The following CACNA1E variants were observed in gnomAD, a reference collection of about 807,000 sequenced individuals.
CACNA1E encodes calcium voltage-gated channel subunit alpha1 E, also known as voltage-dependent R-type calcium channel subunit alpha-1E.
Under a neutral mutation model 259.2 loss-of-function variants are expected in CACNA1E, and 40 were observed. The observed-to-expected ratio is 0.15, with a 90% CI of 0.12 to 0.20. The LOEUF (loss-of-function observed/expected upper bound fraction) is 0.20. Among genes scored for constraint, CACNA1E ranks in the 10% least tolerant of loss-of-function variants. The probability of loss-of-function intolerance (pLI) is 1.00; values close to 1 mark genes in which losing one functional copy is unlikely to be tolerated. For missense variants in CACNA1E, 1,874 were observed against 3,040.1 expected, an observed-to-expected ratio of 0.62 and a Z score of 9.02; for synonymous variants, 1,104 against 1,138.5, an observed-to-expected ratio of 0.97 and a Z score of 0.61.
intron 34 of CACNA1E, among the ~76,000 whole-genome samples, chr1:181,765,753 C>T (rs577298771): frequency 1.4e-4 from 21 of 152,286 alleles, no homozygotes; most frequent in South Asian, 8.3e-4. Flanking sequence ...CTGAGATCAA[C>T]GCAAAATTAC....
intron 7 of CACNA1E, among the ~76,000 whole-genome samples, chr1:181,658,458 G>A (rs937201190): frequency 1.3e-5 from 2 of 152,184 alleles, no homozygotes; most frequent in Non-Finnish European, 2.9e-5. Flanking sequence ...CTGTAAAATG[G>A]GATAGCAATA....
intron 1 of CACNA1E, among the ~76,000 whole-genome samples, chr1:181,398,687 T>G (rs1222607931): frequency 1.3e-5 from 2 of 152,194 alleles, no homozygotes; most frequent in East Asian, 3.8e-4. Context: ...GCACCAGCAT[T>G]GCTCTGTCAC....
At chr1:181,331,428 G>A (rs1166844581) in intron 1 of CACNA1E, among the ~76,000 whole-genome samples, 1 of 152,184 alleles carries the variant, frequency 6.6e-6, no homozygotes, top group Non-Finnish European at 1.5e-5. Flanking sequence ...GGAATCCAAA[G>A]AGTGGAGAGC....
chr1:181,639,122 A>G (rs1372982965), intron 6 of CACNA1E, among the ~76,000 whole-genome samples: 1 of 149,590 alleles, frequency 6.7e-6, no homozygotes, highest in East Asian at 2.0e-4. Context: ...GAGTCTCGCT[A>G]TGTCTCCCAG....
At chr1:181,444,827 A>T (rs1313852234) in intron 2 of CACNA1E, among the ~76,000 whole-genome samples, 1 of 152,086 alleles carries the variant, frequency 6.6e-6, no homozygotes, top group Non-Finnish European at 1.5e-5. Flanking sequence ...CACCGCCATG[A>T]TGAGTGCTCC....
chr1:181,717,843 G>C (rs1028907236), intron 11 of CACNA1E, among the ~76,000 whole-genome samples: 1 of 152,192 alleles, frequency 6.6e-6, no homozygotes, highest in African/African-American at 2.4e-5. Flanking sequence ...TATTGAAAGA[G>C]AGCAATGCTG....
intron 3 of CACNA1E, among the ~76,000 whole-genome samples, chr1:181,541,455 A>G (rs1178556660): frequency 2.0e-5 from 3 of 151,906 alleles, no homozygotes; most frequent in East Asian, 1.9e-4. Context: ...GAAAAAAAAA[A>G]GGGGGAAGGG....
chr1:181,612,696 C>G (rs1040145500), intron 6 of CACNA1E, among the ~76,000 whole-genome samples: 8 of 152,156 alleles, frequency 5.3e-5, no homozygotes, highest in African/African-American at 1.7e-4. Flanking sequence ...GACTCATGCA[C>G]AGAGATATCA....
intron 6 of CACNA1E, among the ~76,000 whole-genome samples, chr1:181,632,734 C>A (rs978881087): frequency 3.3e-4 from 49 of 148,390 alleles, no homozygotes; most frequent in African/African-American, 1.2e-3. Flanking sequence ...AAATTTGTAC[C>A]CCCTGGACCC....
intron 3 of CACNA1E, among the ~76,000 whole-genome samples, chr1:181,551,346 T>C (rs532018085): frequency 6.6e-6 from 1 of 152,268 alleles, no homozygotes; most frequent in South Asian, 2.1e-4. Flanking sequence ...GTGGTTGCCA[T>C]GGTGATGGTG....
In CACNA1E at chr1:181,776,017, C is replaced by T. The variant is rs1037108328; in HGVS notation, c.5140-84C>T. 1 of 1,331,098 alleles carries T rather than the reference C, an allele frequency of 7.5e-7. No individual in the cohort carries two copies. Among genetic ancestry groups the T allele is most frequent in the South Asian group, 1.4e-5 (1 of 73,566 alleles). 82.5% of individuals were successfully genotyped at this position (1,331,098 alleles called of 1,614,324 possible). On this transcript the variant is annotated intron_variant, in intron 37 of 47. Coordinates refer to ENST00000367573, the MANE Select transcript of CACNA1E (RefSeq NM_001205293.3). The surrounding 1 kb of genome is among the most constrained non-coding windows in gnomAD (Gnocchi z 4.4). ...CTGGCTCGTTTGCTAAAACACCCTC[C>T]TCCATGCCCTGAAGCCTGTTCTTCT... is the stretch of plus-strand genomic sequence containing the variant.
intron 34 of CACNA1E, among the ~76,000 whole-genome samples, chr1:181,764,250 A>C (rs1486667555): frequency 1.3e-5 from 2 of 152,220 alleles, no homozygotes; most frequent in African/African-American, 2.4e-5. Flanking sequence ...GGACTCTAGC[A>C]AATATCATAA....
At chr1:181,629,638 G>A (rs199945) in intron 6 of CACNA1E, among the ~76,000 whole-genome samples, 143,976 of 151,654 alleles carry the variant, frequency 0.95, 68,579 homozygotes, top group East Asian at 1. Flanking sequence ...AATGACACGT[G>A]AAAAAAATTC....
intron 1 of CACNA1E, among the ~76,000 whole-genome samples, chr1:181,506,770 A>G (rs1387951832): frequency 1.3e-5 from 2 of 152,204 alleles, no homozygotes; most frequent in Non-Finnish European, 2.9e-5. Context: ...TGCTTTCTTC[A>G]GAAAGGGAAG....
intron 6 of CACNA1E, among the ~76,000 whole-genome samples, chr1:181,641,059 C>A (rs1007449671): frequency 1.3e-5 from 2 of 152,198 alleles, no homozygotes; most frequent in African/African-American, 4.8e-5. Context: ...TTTGTACTCA[C>A]GACTTAGCCT....
At chr1:181,708,658 T>C (rs61301289) in intron 7 of CACNA1E, among the ~76,000 whole-genome samples, 1 of 152,228 alleles carries the variant, frequency 6.6e-6, no homozygotes, top group Admixed American at 6.5e-5. Flanking sequence ...ATGTGGTGCA[T>C]GAAGGACTTG....
chr1:181,683,803 G>A (rs1650234237), intron 7 of CACNA1E, among the ~76,000 whole-genome samples: 1 of 152,210 alleles, frequency 6.6e-6, no homozygotes, highest in African/African-American at 2.4e-5. Flanking sequence ...ATTCCATGGT[G>A]TATATGCACC....
intron 3 of CACNA1E, among the ~76,000 whole-genome samples, chr1:181,554,934 C>T (rs1293250792): frequency 6.6e-6 from 1 of 152,146 alleles, no homozygotes; most frequent in Non-Finnish European, 1.5e-5. Flanking sequence ...ATCAATGAGA[C>T]CAACAGCAAA....
upstream of CACNA1E, among the ~76,000 whole-genome samples, chr1:181,479,701 T>C (rs636145): frequency 0.3 from 45,230 of 152,152 alleles, 6,792 homozygotes; most frequent in Admixed American, 0.36. Context: ...CTTAGTGTCA[T>C]TGTATAGTTT....
Sources: gnomAD v4.1 joint callset for allele counts (sites outside exome capture counted in the v4.1 genomes callset) on GRCh38, gnomAD v4.1.1 for gene constraint, Gnocchi (gnomAD v3.1) non-coding constraint, MANE v1.5 for transcripts, NCBI Gene and HGNC (gene_info 2026-07-23, HGNC 2026-07-21) for gene names.